The following RIN2 variants were observed in gnomAD, a reference collection of about 807,000 sequenced individuals.
The protein encoded by RIN2 is Ras and Rab interactor 2.
RIN2 carries 36 observed loss-of-function variants against 78.0 expected under a neutral mutation model. The ratio of observed to expected loss-of-function variants is 0.46; its 90% CI spans 0.35 to 0.61. The LOEUF (loss-of-function observed/expected upper bound fraction) is 0.61, where lower values mean the gene tolerates loss of function less well. Among genes scored for constraint, RIN2 ranks in the 20% least tolerant of loss-of-function variants. The pLI is 0.00. For missense variants in RIN2, 1,087 were observed against 1,159.7 expected, an observed-to-expected ratio of 0.94 and a Z score of 0.91; for synonymous variants, 466 against 466.8, an observed-to-expected ratio of 1.00 and a Z score of 0.02.
intron 2 of RIN2, among the ~76,000 whole-genome samples, chr20:19,888,572 A>C (rs566790988): frequency 6.6e-6 from 1 of 152,340 alleles, no homozygotes; most frequent in East Asian, 1.9e-4. Flanking sequence ...TGCAAGAGAC[A>C]GTCTCACTAT....
chr20:19,764,918 G>GTTTTTTGTTTTTTTTTTTT (rs2033806296), intron 1 of RIN2, among the ~76,000 whole-genome samples: 3 of 50,362 alleles, frequency 6.0e-5, no homozygotes, highest in African/African-American at 6.5e-5. Flanking sequence ...CACTTTCTGC[G>GTTTTTTGTTTTTTTTTTTT]TTTTTTTTTT....
chr20:19,904,846 C>T (rs1248528915), intron 3 of RIN2, among the ~76,000 whole-genome samples: 1 of 152,204 alleles, frequency 6.6e-6, no homozygotes, highest in Non-Finnish European at 1.5e-5. Flanking sequence ...AAAATCTTCC[C>T]TGGAGTCACT....
At chr20:19,951,299 T>C (rs2041307788) in intron 4 of RIN2, among the ~76,000 whole-genome samples, 1 of 152,228 alleles carries the variant, frequency 6.6e-6, no homozygotes, top group African/African-American at 2.4e-5. Flanking sequence ...CTGTTAAAAT[T>C]CATAACATTG....
At position 19,823,305 on chromosome 20, in the gene RIN2, A is replaced by G. The variant is rs1600539906; in HGVS notation, c.-37+23558A>G. The G allele has an allele frequency of 5.1e-6, 3 of 587,408 alleles. No individual in the cohort carries two copies. The East Asian group carries it at 8.4e-5, about 16-fold the overall frequency. The allele number at this position is 587,408 out of a possible 1,614,324, so 36.4% of individuals were successfully genotyped here. A position where few individuals can be genotyped will look rare whatever the true frequency, so the allele number is the denominator to read the frequency against. On this transcript the variant is annotated intron_variant, in intron 2 of 12. Coordinates refer to ENST00000255006, the MANE Select transcript of RIN2 (RefSeq NM_018993.4). The stretch of plus-strand genomic sequence containing the variant: ...TCATGCCCTGGAATCTGGGGACTGA[A>G]TGAAGTTCTCATCTTACTCTTTCGT...
chr20:19,857,361 A>G lies in RIN2; in HGVS notation c.-36-32205A>G, dbSNP rs550170305. 1.4e-4 allele frequency among the ~76,000 whole-genome samples: 22 copies of G among 152,198 alleles called. No homozygotes were observed. The South Asian group carries it at 2.1e-3, about 14-fold the overall frequency. On this transcript the variant is annotated intron_variant, in intron 2 of 12. Coordinates refer to ENST00000255006, the MANE Select transcript of RIN2 (RefSeq NM_018993.4). The stretch of plus-strand genomic sequence containing the variant: ...ATCCATTGTATGAATAATACAATGG[A>G]TTCATTGTATTATTTTCATATTGAT...
chr20:19,766,092 C>G (rs529311206), intron 1 of RIN2, among the ~76,000 whole-genome samples: 1 of 152,276 alleles, frequency 6.6e-6, no homozygotes, highest in South Asian at 2.1e-4. Context: ...GCTCCCTGTC[C>G]TTCCCTCATG....
chr20:19,943,224 C>T (rs1041554108), intron 4 of RIN2, among the ~76,000 whole-genome samples: 12 of 152,208 alleles, frequency 7.9e-5, no homozygotes, highest in Admixed American at 6.5e-5. Flanking sequence ...TGCCAGCATT[C>T]GCTCTGTATC....
chr20:19,965,319 C>T (rs927521891), intron 7 of RIN2, among the ~76,000 whole-genome samples: 1 of 152,120 alleles, frequency 6.6e-6, no homozygotes, highest in Non-Finnish European at 1.5e-5. Flanking sequence ...AAGCAGGAAA[C>T]ACACACACAC....
In RIN2 at chr20:19,975,175, G is replaced by A. The variant is rs1456608915; in HGVS notation, c.1150G>A (p.Ala384Thr). 1.9e-6 allele frequency: 3 copies of A among 1,609,778 alleles called. No individual in the cohort carries two copies. The highest frequency in any genetic ancestry group is 2.2e-5 in the East Asian group (1 of 44,784). ...AKTLSGGRPG[A>T]GPELELGTAG... ...GACCTTGAGCGGCGGCCGGCCGGGC[G>A]CAGGCCCGGAGCTGGAGCTGGGCAC... Residue 384 changes from alanine to threonine, a missense_variant, in exon 9 of 13, where the codon GCA becomes ACA. Around this residue, in one of 8 missense-constraint regions of RIN2, gnomAD observed 706 missense variants for 667.5 expected, o/e 1.06. Coordinates refer to ENST00000255006, the MANE Select transcript of RIN2 (RefSeq NM_018993.4). This position sits in a 1 kb window ranked among gnomAD's most constrained non-coding sequence, Gnocchi z 4.9.
intron 3 of RIN2, among the ~76,000 whole-genome samples, chr20:19,922,454 G>A (rs990142710): frequency 6.6e-6 from 1 of 152,116 alleles, no homozygotes; most frequent in East Asian, 1.9e-4. Flanking sequence ...GCAGCCTGAT[G>A]TTTCTAGGGA....
intron 3 of RIN2, among the ~76,000 whole-genome samples, chr20:19,913,658 T>C (rs1359115630): frequency 6.6e-6 from 1 of 152,326 alleles, no homozygotes; most frequent in Admixed American, 6.5e-5. Flanking sequence ...CTCTCGGTAC[T>C]TCCTACAAGT....
At chr20:19,823,621 T>G (rs1417467459) in intron 2 of RIN2, 2 of 1,547,770 alleles carry the variant, frequency 1.3e-6, no homozygotes, top group African/African-American at 2.7e-5. Flanking sequence ...GTTGACGATC[T>G]CATCAAAAGT....
chr20:19,991,000 T>C (rs73901367), intron 10 of RIN2, among the ~76,000 whole-genome samples: 3,134 of 152,302 alleles, frequency 0.021, 122 homozygotes, highest in African/African-American at 0.071. Context: ...GGGGTAACCA[T>C]GAATCCTGGA....
chr20:19,810,878 GT>G (rs71198025), intron 2 of RIN2, among the ~76,000 whole-genome samples: 9,370 of 135,154 alleles, frequency 0.069, 573 homozygotes, highest in African/African-American at 0.16. Context: ...GTGTGTGTGT[GT>G]TTTTTTTTTT....
intron 3 of RIN2, among the ~76,000 whole-genome samples, chr20:19,921,643 C>T (rs1372029586): frequency 6.6e-6 from 1 of 152,132 alleles, no homozygotes; most frequent in Non-Finnish European, 1.5e-5. Flanking sequence ...CACCGAGCGG[C>T]GCCAAGCAGG....
At chr20:19,862,919 T>G (rs1294722253) in intron 2 of RIN2, among the ~76,000 whole-genome samples, 1 of 152,202 alleles carries the variant, frequency 6.6e-6, no homozygotes, top group Non-Finnish European at 1.5e-5. Context: ...TGACTTAATG[T>G]AGCAACATCT....
chr20:19,996,955 G>C, intron 12 of RIN2, 113 bp downstream of exon 12: 1 of 1,138,168 alleles, frequency 8.8e-7, no homozygotes, highest in Non-Finnish European at 1.2e-6. Context: ...TGGCAGGAAA[G>C]GGATATCTCA....
intron 2 of RIN2, among the ~76,000 whole-genome samples, chr20:19,830,516 T>A (rs554056312): frequency 6.6e-6 from 1 of 152,328 alleles, no homozygotes; most frequent in South Asian, 2.1e-4. Context: ...TGTCCCACAG[T>A]GCATAACATA....
intron 2 of RIN2, chr20:19,886,465 T>G: frequency 2.0e-6 from 1 of 495,632 alleles, no homozygotes; most frequent in South Asian, 3.7e-5. Flanking sequence ...TGAGGAATAG[T>G]CACTTCCTGC....
Sources: gnomAD v4.1 joint callset for allele counts (sites outside exome capture counted in the v4.1 genomes callset) on GRCh38, gnomAD v4.1.1 for gene constraint, gnomAD v4.1.1 regional missense constraint, Gnocchi (gnomAD v3.1) non-coding constraint, MANE v1.5 for transcripts, NCBI Gene and HGNC (gene_info 2026-07-23, HGNC 2026-07-21) for gene names.